BTRC: variants seen among roughly 807,000 people sequenced by gnomAD.
BTRC encodes the protein beta-transducin repeat containing E3 ubiquitin protein ligase, also known as F-box/WD repeat-containing protein 1A.
A neutral mutation model predicts 85.5 loss-of-function variants in BTRC; 42 were observed. The observed-to-expected ratio is 0.49, with a 90% confidence interval of 0.38 to 0.64. BTRC has a LOEUF of 0.64. BTRC is among the 30% of genes least tolerant of loss of function. BTRC has a pLI of 0.00. For missense variants in BTRC, 594 were observed against 743.5 expected, an observed-to-expected ratio of 0.80 and a Z score of 2.34; for synonymous variants, 255 against 263.3, an observed-to-expected ratio of 0.97 and a Z score of 0.30.
At chr10:101,532,074 A>G (rs1226387865) in intron 7 of BTRC, among the ~76,000 whole-genome samples, 1 of 152,252 alleles carries the variant, frequency 6.6e-6, no homozygotes, top group Non-Finnish European at 1.5e-5. Flanking sequence ...TGAACAAATT[A>G]TAGGCAGGGA....
At chr10:101,367,638 A>G (rs759596429) in intron 1 of BTRC, among the ~76,000 whole-genome samples, 1 of 152,124 alleles carries the variant, frequency 6.6e-6, no homozygotes, top group South Asian at 2.1e-4. Flanking sequence ...CCACTCTCTT[A>G]TAATATCTGT....
In BTRC at chr10:101,366,890, A is replaced by T. The variant is rs12219127; in HGVS notation, c.48+12662A>T. Reference sequence around the variant, plus strand: ...TATTAATATATATTTATATATATTTATATATATTTATATATATTAATATAT... The same window carrying T: ...TATTAATATATATTTATATATATTTTTATATATTTATATATATTAATATAT... On this transcript the variant is annotated intron_variant, in intron 1 of 14. Transcript: ENST00000370187. Among the ~76,000 whole-genome samples, 8 of 24,636 alleles carry T rather than the reference A, an allele frequency of 3.2e-4. 1 individual carries two copies. The highest frequency in any genetic ancestry group is 1.0e-3 in the South Asian group (1 of 970). 16.2% of individuals were successfully genotyped at this position (24,636 alleles called of 152,430 possible). A position where few individuals can be genotyped will look rare whatever the true frequency, so the allele number is the denominator to read the frequency against.
chr10:101,547,236 G>T (rs1166444193), intron 13 of BTRC, among the ~76,000 whole-genome samples: 1 of 151,942 alleles, frequency 6.6e-6, no homozygotes, highest in African/African-American at 2.4e-5. Context: ...CCGGGAGGCG[G>T]AGGTTGCAGT....
intron 1 of BTRC, among the ~76,000 whole-genome samples, chr10:101,413,561 G>A (rs1389600955): frequency 2.0e-5 from 3 of 152,068 alleles, no homozygotes; most frequent in Non-Finnish European, 2.9e-5. Flanking sequence ...TGATCCACCC[G>A]CCTTGGCCTC....
At chr10:101,472,684 G>A (rs527618911) in intron 3 of BTRC, among the ~76,000 whole-genome samples, 38 of 152,200 alleles carry the variant, frequency 2.5e-4, no homozygotes, top group Admixed American at 3.9e-4. Flanking sequence ...GCATGGTGGC[G>A]CACACCTGTA....
At chr10:101,549,577 G>A (rs908889915) in intron 13 of BTRC, among the ~76,000 whole-genome samples, 4 of 151,690 alleles carry the variant, frequency 2.6e-5, no homozygotes, top group African/African-American at 9.7e-5. Flanking sequence ...AGCCAGGTGT[G>A]GTGGCAGGCG....
Position 101,555,180 on chromosome 10 carries a change from C to T in BTRC, c.*2057C>T, listed in dbSNP as rs1330482094. The T allele has an allele frequency of 6.6e-6, 1 of 152,612 alleles. No individual in the cohort carries two copies. The highest frequency in any genetic ancestry group is 6.5e-5 in the Admixed American group (1 of 15,282). The allele number at this position is 152,612 out of a possible 1,614,324, so 9.5% of individuals were successfully genotyped here. Reference sequence around the variant, plus strand: ...GCTATAGATGAAGGTAGAGGGCTGTCAGCCCTGAAAAACACACAGGTCAGA... The same window carrying T: ...GCTATAGATGAAGGTAGAGGGCTGTTAGCCCTGAAAAACACACAGGTCAGA... On this transcript the variant is annotated 3_prime_UTR_variant, in exon 15 of 15. Coordinates refer to ENST00000370187, the MANE Select transcript of BTRC (RefSeq NM_033637.4).
chr10:101,510,914 T>A (rs997654002), intron 4 of BTRC, among the ~76,000 whole-genome samples: 2 of 152,242 alleles, frequency 1.3e-5, no homozygotes, highest in African/African-American at 2.4e-5. Flanking sequence ...ACATTTTGCC[T>A]GGATTATTTT....
intron 12 of BTRC, among the ~76,000 whole-genome samples, chr10:101,537,401 G>A (rs566219956): frequency 2.5e-4 from 38 of 152,276 alleles, no homozygotes; most frequent in Non-Finnish European, 4.1e-4. Flanking sequence ...GGTTGCGGGC[G>A]CCTGTAATCC....
chr10:101,356,432 G>A (rs1346277742), intron 1 of BTRC, among the ~76,000 whole-genome samples: 4 of 152,200 alleles, frequency 2.6e-5, no homozygotes, highest in African/African-American at 7.2e-5. Flanking sequence ...AACATTCTCA[G>A]CTACTTAATC....
At chr10:101,525,429 A>AAAC (rs2062175963) in intron 5 of BTRC, among the ~76,000 whole-genome samples, 1 of 152,178 alleles carries the variant, frequency 6.6e-6, no homozygotes, top group South Asian at 2.1e-4. Flanking sequence ...GAACTTAAAC[A>AAAC]TACATCTCTG....
At position 101,385,618 on chromosome 10, in the gene BTRC, C is replaced by CTTT. The variant is rs36030307; in HGVS notation, c.48+31403_48+31405dup. Among the ~76,000 whole-genome samples the CTTT allele has an allele frequency of 7.0e-4, 56 of 79,790 alleles. No homozygotes were observed. In the East Asian group the frequency reaches 7.4e-3, roughly 11 times the overall value. 52.3% of individuals were successfully genotyped at this position (79,790 alleles called of 152,430 possible). ...TCTTTGTTCTTTCTTTCTTCTTCTTCTTTTTTTTTTTTTTTGTGTGTTCTT... is the reference window on the plus strand; with the variant it reads ...TCTTTGTTCTTTCTTTCTTCTTCTTCTTTTTTTTTTTTTTTTTTGTGTGTTCTT... On this transcript the variant is annotated intron_variant, in intron 1 of 14. Transcript: ENST00000370187.
At chr10:101,405,251 A>G (rs1943591600) in intron 1 of BTRC, among the ~76,000 whole-genome samples, 1 of 151,694 alleles carries the variant, frequency 6.6e-6, no homozygotes, top group Non-Finnish European at 1.5e-5. Flanking sequence ...GGGAGGCTAG[A>G]GGAAAAAAAA....
chr10:101,464,680 A>G (rs1945325578), intron 3 of BTRC, among the ~76,000 whole-genome samples: 1 of 152,100 alleles, frequency 6.6e-6, no homozygotes, highest in Non-Finnish European at 1.5e-5. Context: ...TCTCTTTGTG[A>G]AGAGCATGAA....
chr10:101,449,715 A>G (rs1589482936), intron 2 of BTRC, among the ~76,000 whole-genome samples: 1 of 152,142 alleles, frequency 6.6e-6, no homozygotes, highest in East Asian at 1.9e-4. Context: ...ATGTCTTTCT[A>G]TCTGAAATCC....
intron 1 of BTRC, among the ~76,000 whole-genome samples, chr10:101,429,784 C>T (rs913005477): frequency 1.4e-5 from 2 of 144,498 alleles, no homozygotes; most frequent in South Asian, 2.3e-4. Context: ...AGCAGACTAA[C>T]AAGATACATA....
chr10:101,471,426 T>TC (rs1392104488), intron 3 of BTRC, among the ~76,000 whole-genome samples: 2 of 152,166 alleles, frequency 1.3e-5, no homozygotes, highest in Non-Finnish European at 2.9e-5. Flanking sequence ...ACTTTTTTTT[T>TC]CATCTGAGAT....
intron 3 of BTRC, among the ~76,000 whole-genome samples, chr10:101,467,287 G>A (rs1408693573): frequency 1.4e-5 from 2 of 148,120 alleles, no homozygotes; most frequent in Non-Finnish European, 3.0e-5. Context: ...TGATTGATGA[G>A]GGAAAAAGGT....
chr10:101,423,981 G>C (rs1239626534), intron 1 of BTRC, among the ~76,000 whole-genome samples: 2 of 152,172 alleles, frequency 1.3e-5, no homozygotes, highest in Non-Finnish European at 2.9e-5. Context: ...TGTAATCCCA[G>C]CACTTTGGGA....
Sources: allele counts gnomAD v4.1 joint callset (sites outside exome capture counted in the v4.1 genomes callset), GRCh38; gene constraint gnomAD v4.1.1; transcripts MANE v1.5; gene names NCBI Gene and HGNC (gene_info 2026-07-23, HGNC 2026-07-21).